The following SNX18 variants were observed in gnomAD, a reference collection of about 807,000 sequenced individuals.
SNX18 encodes the protein sorting nexin-18.
SNX18 carries 35 observed loss-of-function variants against 48.7 expected under a neutral mutation model. That is an observed-to-expected ratio of 0.72 (90% CI 0.55 to 0.95). The LOEUF is 0.95. Ranked by LOEUF, SNX18 falls within the 40% of genes least tolerant of loss-of-function variation. SNX18 has a pLI of 0.00. For missense variants in SNX18, 824 were observed against 871.0 expected (o/e 0.95, Z 0.68); for synonymous variants, 492 against 384.7 (o/e 1.28, Z -3.26).
At chr5:54,528,422 T>TG (rs1364244380) in intron 1 of SNX18, among the ~76,000 whole-genome samples, 1 of 152,174 alleles carries the variant, frequency 6.6e-6, no homozygotes, top group Non-Finnish European at 1.5e-5. Flanking sequence ...AGACAGTGCA[T>TG]GGGAGTCCAG....
chr5:54,567,201 A>ATG, the SNX18 span, among the ~76,000 whole-genome samples: 1 of 151,512 alleles, frequency 6.6e-6, no homozygotes, highest in Non-Finnish European at 1.5e-5. Context: ...GGATGTGTGT[A>ATG]TGTGTGTGTG....
intron 1 of SNX18, among the ~76,000 whole-genome samples, chr5:54,538,732 G>A (rs1418091673): frequency 1.3e-5 from 2 of 152,094 alleles, no homozygotes; most frequent in African/African-American, 2.4e-5. Flanking sequence ...ACAGCCATTC[G>A]CTTCAATTCA....
chr5:54,569,877 G>A, the SNX18 span, among the ~76,000 whole-genome samples: 9 of 152,336 alleles, frequency 5.9e-5, no homozygotes, highest in African/African-American at 1.9e-4. Context: ...GAGGGGGCAA[G>A]ATCCCACTCT....
intron 1 of SNX18, among the ~76,000 whole-genome samples, chr5:54,525,579 T>G (rs988456679): frequency 6.6e-6 from 1 of 152,204 alleles, no homozygotes; most frequent in Non-Finnish European, 1.5e-5. Context: ...GGGATAAATG[T>G]AGATGTTGTT....
the SNX18 span, among the ~76,000 whole-genome samples, chr5:54,618,600 A>G: frequency 1.3e-5 from 2 of 152,250 alleles, no homozygotes; most frequent in Non-Finnish European, 2.9e-5. Context: ...ATGCGATGTT[A>G]GAGTAGATGT....
chr5:54,565,092 A>G, the SNX18 span, among the ~76,000 whole-genome samples: 3 of 152,128 alleles, frequency 2.0e-5, no homozygotes, highest in Non-Finnish European at 2.9e-5. Context: ...ACCTGTAAGG[A>G]CCCAATTTGG....
At chr5:54,534,328 A>G (rs1762310506) in intron 1 of SNX18, among the ~76,000 whole-genome samples, 1 of 151,896 alleles carries the variant, frequency 6.6e-6, no homozygotes, top group Non-Finnish European at 1.5e-5. Context: ...AGAAGAGACA[A>G]AACATACTGA....
chr5:54,558,175 A>C, the SNX18 span, among the ~76,000 whole-genome samples: 1 of 152,248 alleles, frequency 6.6e-6, no homozygotes, highest in Non-Finnish European at 1.5e-5. Flanking sequence ...GTGTCCTGGT[A>C]CATAAGTAAG....
chr5:54,557,422 A>G, the SNX18 span, among the ~76,000 whole-genome samples: 1 of 152,250 alleles, frequency 6.6e-6, no homozygotes, highest in Non-Finnish European at 1.5e-5. Flanking sequence ...CAATATGGCA[A>G]CATAGCATGC....
the SNX18 span, among the ~76,000 whole-genome samples, chr5:54,601,584 C>G: frequency 6.6e-6 from 1 of 152,174 alleles, no homozygotes. Context: ...TGCATCTTCC[C>G]TCCTGTTCAT....
At chr5:54,628,043 G>A in the SNX18 span, among the ~76,000 whole-genome samples, 8 of 152,088 alleles carry the variant, frequency 5.3e-5, no homozygotes, top group Non-Finnish European at 1.0e-4. Context: ...AGGAAAAGAT[G>A]GCAGGTACTT....
chr5:54,519,393 G>C lies in SNX18; in HGVS notation c.1441G>C (p.Asp481His), dbSNP rs1199405577. The change falls in exon 1 of 2, where the codon GAC becomes CAC. Residue 481 changes from aspartate (D) to histidine (H), a missense_variant. Around this residue, in one of 3 missense-constraint regions of SNX18, gnomAD observed 443 missense variants for 503.6 expected, o/e 0.88. Transcript: ENST00000381410. ...CGGCCTCAGCCAGGCCTTTGAGCTGGACCAGCAGGCCTTCTCGGTGGGCCT... is the reference window on the plus strand; with the variant it reads ...CGGCCTCAGCCAGGCCTTTGAGCTGCACCAGCAGGCCTTCTCGGTGGGCCT... ...FRGLSQAFEL[D>H]QQAFSVGLNQ... The C allele has an allele frequency of 6.2e-7, 1 of 1,613,694 alleles. No homozygotes were observed. The highest frequency in any genetic ancestry group is 8.5e-7 in the Non-Finnish European group (1 of 1,179,892).
chr5:54,626,654 T>C, the SNX18 span, among the ~76,000 whole-genome samples: 1 of 152,222 alleles, frequency 6.6e-6, no homozygotes, highest in Non-Finnish European at 1.5e-5. Flanking sequence ...GGTTGTCACA[T>C]CAGAGCAGGA....
At chr5:54,608,993 C>T in the SNX18 span, among the ~76,000 whole-genome samples, 1 of 152,228 alleles carries the variant, frequency 6.6e-6, no homozygotes, top group Non-Finnish European at 1.5e-5. Context: ...TCATGCTGGG[C>T]AGCTCAGCTG....
the SNX18 span, among the ~76,000 whole-genome samples, chr5:54,575,612 C>G: frequency 6.6e-6 from 1 of 152,060 alleles, no homozygotes; most frequent in East Asian, 1.9e-4. Context: ...GATCTGCCCG[C>G]CTCGGCCTCC....
At chr5:54,530,422 T>C (rs72765731) in intron 1 of SNX18, among the ~76,000 whole-genome samples, 8,232 of 152,198 alleles carry the variant, frequency 0.054, 306 homozygotes, top group Middle Eastern at 0.1. Context: ...TGAGGAGAGC[T>C]AGGATTCGAG....
At chr5:54,618,264 C>T in the SNX18 span, among the ~76,000 whole-genome samples, 2 of 152,178 alleles carry the variant, frequency 1.3e-5, no homozygotes, top group Non-Finnish European at 2.9e-5. Flanking sequence ...TTGAGGCCTC[C>T]CAGGCCATGC....
At chr5:54,620,878 G>A in the SNX18 span, among the ~76,000 whole-genome samples, 1 of 152,122 alleles carries the variant, frequency 6.6e-6, no homozygotes, top group African/African-American at 2.4e-5. Context: ...CATTGCTGGT[G>A]TCTCTTCTTT....
In SNX18 at chr5:54,541,561, CCT is replaced by C. The variant is rs141404973; in HGVS notation, c.1622-1615_1622-1614del. The stretch of plus-strand genomic sequence containing the variant: ...TTAGTAGAACTGGGACAGGGGTCTT[CCT>C]CTGTCTAGCAGAGTGCATTTCTCTG... On this transcript the variant is annotated intron_variant, in intron 1 of 1. Coordinates refer to ENST00000381410, the MANE Select transcript of SNX18 (RefSeq NM_001102575.2). Among the ~76,000 whole-genome samples the C allele has an allele frequency of 6.7e-3, 1,020 of 152,172 alleles. 13 individuals are homozygous for C. Among genetic ancestry groups the C allele is most frequent in the African/African-American group, 0.018 (737 of 41,498 alleles).
Sources: gnomAD v4.1 joint callset for allele counts (sites outside exome capture counted in the v4.1 genomes callset) on GRCh38, gnomAD v4.1.1 for gene constraint, gnomAD v4.1.1 regional missense constraint, MANE v1.5 for transcripts, NCBI Gene and HGNC (gene_info 2026-07-23, HGNC 2026-07-21) for gene names.